The following ANAPC15 variants were observed in gnomAD, a reference collection of about 807,000 sequenced individuals.
ANAPC15 encodes the protein anaphase-promoting complex subunit 15.
A neutral mutation model predicts 19.8 loss-of-function variants in ANAPC15; 13 were observed. The ratio of observed to expected loss-of-function variants is 0.66; its 90% CI spans 0.43 to 1.04. The LOEUF (loss-of-function observed/expected upper bound fraction) is 1.04, where lower values mean the gene tolerates loss of function less well. ANAPC15 is among the 50% of genes least tolerant of loss of function. The pLI, the probability that ANAPC15 is intolerant of heterozygous loss-of-function variation, is 0.00. For synonymous variants in ANAPC15, 45 were observed against 50.7 expected (o/e 0.89, Z 0.47); for missense variants, 88 against 150.3 (o/e 0.59, Z 2.17).
downstream of ANAPC15, chr11:72,107,589 A>G (rs531908794): frequency 1.4e-5 from 10 of 693,826 alleles, no homozygotes; most frequent in Admixed American, 6.1e-5. Context: ...ACAGGTGGGA[A>G]GTACTGAGAG....
intron 3 of ANAPC15, 186 bp from the exon 4 acceptor site, chr11:72,110,789 C>T (rs147422048): frequency 9.7e-6 from 6 of 617,502 alleles, no homozygotes; most frequent in African/African-American, 1.8e-5. Flanking sequence ...AATACTTAAA[C>T]TCTCTGAGCC....
Position 72,112,672 on chromosome 11 carries a change from C to T in ANAPC15, c.-118G>A, listed in dbSNP as rs753476430. The T allele has an allele frequency of 2.0e-5, 9 of 456,550 alleles. No homozygotes were observed. The highest frequency in any genetic ancestry group is 9.3e-5 in the South Asian group (6 of 64,566). The allele number at this position is 456,550 out of a possible 1,614,324, so 28.3% of individuals were successfully genotyped here. ...TACCGCGCCGGGAGGCTGCTGCCGGCGGCGACCCGGAAGCGCTTCACCCAG... is the reference window on the plus strand; with the variant it reads ...TACCGCGCCGGGAGGCTGCTGCCGGTGGCGACCCGGAAGCGCTTCACCCAG... On this transcript the variant is annotated 5_prime_UTR_variant, in exon 1 of 6. Coordinates refer to ENST00000227618, the MANE Select transcript of ANAPC15 (RefSeq NM_014042.3).
chr11:72,108,814 G>A (rs2135215548), downstream of ANAPC15: 1 of 1,550,682 alleles, frequency 6.4e-7, no homozygotes, highest in African/African-American at 1.4e-5. Flanking sequence ...GCTTCTTGCA[G>A]TATGCTAAGA....
chr11:72,108,844 C>T, downstream of ANAPC15: 1 of 1,550,666 alleles, frequency 6.4e-7, no homozygotes, highest in Non-Finnish European at 8.7e-7. Flanking sequence ...GCTACCGCTG[C>T]CGCCTCCACC....
At chr11:72,108,515 C>G, downstream of ANAPC15, 3 of 1,174,336 alleles carry the variant, frequency 2.6e-6, no homozygotes, top group Non-Finnish European at 3.5e-6. Context: ...TAAGCCAGGA[C>G]CTGGCATGAA....
chr11:72,108,901 G>A (rs1946024954), downstream of ANAPC15: 2 of 1,545,290 alleles, frequency 1.3e-6, no homozygotes, highest in East Asian at 2.4e-5. Context: ...GAATAGCTCA[G>A]CTCACCTATG....
At chr11:72,109,026 TG>T, downstream of ANAPC15, 1 of 1,040,000 alleles carries the variant, frequency 9.6e-7, no homozygotes, top group Non-Finnish European at 1.4e-6. Flanking sequence ...TGACACACGC[TG>T]GGCTCAGGGC....
chr11:72,107,961 G>C (rs76657474), downstream of ANAPC15: 478 of 1,551,698 alleles, frequency 3.1e-4, 1 homozygote, highest in African/African-American at 5.6e-3. Flanking sequence ...GAAGGCCCCT[G>C]CTTGTGTGCT....
chr11:72,110,213 C>T lies in ANAPC15; in HGVS notation c.193G>A (p.Glu65Lys). 2.5e-6 allele frequency: 4 copies of T among 1,613,970 alleles called. No homozygotes were observed. The highest frequency in any genetic ancestry group is 3.4e-6 in the Non-Finnish European group (4 of 1,180,044). Residue 65 changes from glutamate (E) to lysine (K), a missense_variant, in exon 5 of 6, where the codon GAG (glutamate) becomes AAG (lysine). Coordinates refer to ENST00000227618, the MANE Select transcript of ANAPC15 (RefSeq NM_014042.3). ...GKPASEHYDD[E>K]EEEDDEDDED... ...TCATCTTCATCATCCTCTTCTTCCTCGTCATCATAGTGCTGGTGGGCAGGA... is the reference window on the plus strand; with the variant it reads ...TCATCTTCATCATCCTCTTCTTCCTTGTCATCATAGTGCTGGTGGGCAGGA...
downstream of ANAPC15, among the ~76,000 whole-genome samples, chr11:72,108,286 A>G (rs1945923959): frequency 6.6e-6 from 1 of 152,196 alleles, no homozygotes; most frequent in Admixed American, 6.5e-5. Flanking sequence ...TCATCTGCAC[A>G]TTATTTTCTG....
At chr11:72,111,048 G>T in intron 3 of ANAPC15, 109 bp downstream of exon 3, 3 of 803,310 alleles carry the variant, frequency 3.7e-6, no homozygotes, top group African/African-American at 1.7e-5. Flanking sequence ...CCAGCTCAGG[G>T]CAAAAAGCTC....
chr11:72,107,983 C>A (rs1164475017), downstream of ANAPC15: 1 of 1,551,738 alleles, frequency 6.4e-7, no homozygotes, highest in Admixed American at 2.0e-5. Context: ...GAATTGGGAA[C>A]CTACTGTGGA....
rs768023260 is a variant in ANAPC15 at position 72,112,661 on chromosome 11, G to T, written c.-107C>A. The T allele has an allele frequency of 7.7e-5, 35 of 456,690 alleles. No individual in the cohort carries two copies. Among genetic ancestry groups the T allele is most frequent in the Middle Eastern group, 6.5e-4 (2 of 3,076 alleles). 28.3% of individuals were successfully genotyped at this position (456,690 alleles called of 1,614,324 possible). A position where few individuals can be genotyped will look rare whatever the true frequency, so the allele number is the denominator to read the frequency against. The stretch of plus-strand genomic sequence containing the variant: ...GCGTCTGTACTTACCGCGCCGGGAG[G>T]CTGCTGCCGGCGGCGACCCGGAAGC... On this transcript the variant is annotated 5_prime_UTR_variant, in exon 1 of 6. Coordinates refer to ENST00000227618, the MANE Select transcript of ANAPC15 (RefSeq NM_014042.3).
Sources: gnomAD v4.1 joint callset for allele counts (sites outside exome capture counted in the v4.1 genomes callset) on GRCh38, gnomAD v4.1.1 for gene constraint, MANE v1.5 for transcripts, NCBI Gene and HGNC (gene_info 2026-07-23, HGNC 2026-07-21) for gene names.